Variants in ARHGAP24 observed in about 807,000 individuals in gnomAD.
ARHGAP24 encodes the protein rho GTPase-activating protein 24.
A neutral mutation model predicts 76.4 loss-of-function variants in ARHGAP24; 50 were observed. The observed-to-expected ratio is 0.65, with a 90% confidence interval of 0.52 to 0.83. The LOEUF is 0.83. ARHGAP24 is among the 40% of genes least tolerant of loss of function. ARHGAP24 has a pLI of 0.00. For missense variants in ARHGAP24, 930 were observed against 914.2 expected, an observed-to-expected ratio of 1.02 and a Z score of -0.22; for synonymous variants, 345 against 323.3, an observed-to-expected ratio of 1.07 and a Z score of -0.72.
At chr4:85,933,780 A>C (rs1453649230) in intron 4 of ARHGAP24, among the ~76,000 whole-genome samples, 1 of 152,152 alleles carries the variant, frequency 6.6e-6, no homozygotes, top group African/African-American at 2.4e-5. Flanking sequence ...TAGTCGTAAG[A>C]GGCTAGATTC....
intron 3 of ARHGAP24, among the ~76,000 whole-genome samples, chr4:85,847,032 G>T (rs953381157): frequency 1.3e-5 from 2 of 152,158 alleles, no homozygotes; most frequent in South Asian, 2.1e-4. Flanking sequence ...CAGTGTGAGG[G>T]TATAGAGCTT....
At chr4:85,770,362 T>A (rs1727088446) in intron 3 of ARHGAP24, among the ~76,000 whole-genome samples, 1 of 152,230 alleles carries the variant, frequency 6.6e-6, no homozygotes, top group Admixed American at 6.5e-5. Flanking sequence ...ACATTTTATA[T>A]CCAATGCTTT....
intron 1 of ARHGAP24, among the ~76,000 whole-genome samples, chr4:85,517,237 A>G (rs1192961162): frequency 1.3e-5 from 2 of 152,174 alleles, no homozygotes; most frequent in South Asian, 2.1e-4. Context: ...ATGTGAGTTA[A>G]TAAAACATTT....
At chr4:85,501,213 G>T (rs774083027) in intron 1 of ARHGAP24, among the ~76,000 whole-genome samples, 1 of 152,190 alleles carries the variant, frequency 6.6e-6, no homozygotes, top group African/African-American at 2.4e-5. Context: ...ATAGTAGCAT[G>T]ATTTATAATC....
rs183614980 is a variant in ARHGAP24, at chr4:85,518,553, T to C, written c.-21+42994T>C. Among the ~76,000 whole-genome samples the C allele has an allele frequency of 1.3e-4, 20 of 152,226 alleles. No individual in the cohort carries two copies. The East Asian group carries it at 2.3e-3, about 18-fold the overall frequency. ...CCCCCCAAGTTTCCAAAGTTTATTG[T>C]ATTATTCTTTTGCCTTTGCGTCCTC... is the stretch of plus-strand genomic sequence containing the variant. On this transcript the variant is annotated intron_variant, in intron 1 of 9. Transcript: ENST00000395184.
chr4:85,911,843 T>C (rs1560712908), intron 3 of ARHGAP24, among the ~76,000 whole-genome samples: 1 of 152,192 alleles, frequency 6.6e-6, no homozygotes, highest in Non-Finnish European at 1.5e-5. Flanking sequence ...TACTTAATAT[T>C]ATCTAAAATT....
intron 3 of ARHGAP24, among the ~76,000 whole-genome samples, chr4:85,770,884 G>A (rs776739374): frequency 2.6e-5 from 4 of 152,286 alleles, no homozygotes; most frequent in East Asian, 1.9e-4. Context: ...CTCAGAGAAC[G>A]TTGCAGGAGT....
chr4:85,499,320 C>T (rs1723706160), intron 1 of ARHGAP24, among the ~76,000 whole-genome samples: 1 of 152,164 alleles, frequency 6.6e-6, no homozygotes, highest in Admixed American at 6.5e-5. Flanking sequence ...GTTTTATAAA[C>T]AATCTCTCTA....
intron 2 of ARHGAP24, among the ~76,000 whole-genome samples, chr4:85,612,833 C>T (rs1250249822): frequency 9.1e-5 from 11 of 121,262 alleles, no homozygotes; most frequent in Admixed American, 6.2e-4. Context: ...CTCGCTGTGT[C>T]GTCACCCAGG....
intron 1 of ARHGAP24, among the ~76,000 whole-genome samples, chr4:85,525,994 A>G (rs1724977204): frequency 1.3e-5 from 2 of 152,126 alleles, no homozygotes; most frequent in Admixed American, 6.6e-5. Flanking sequence ...ATATTTTTTA[A>G]TTCTTTTGTT....
chr4:85,550,403 A>G (rs1004716689), intron 1 of ARHGAP24, among the ~76,000 whole-genome samples: 4 of 152,170 alleles, frequency 2.6e-5, no homozygotes, highest in African/African-American at 9.7e-5. Context: ...CCGTTGGTCT[A>G]TGTATCTGTT....
chr4:85,496,007 T>A (rs998541309), intron 1 of ARHGAP24, among the ~76,000 whole-genome samples: 1 of 152,250 alleles, frequency 6.6e-6, no homozygotes, highest in Non-Finnish European at 1.5e-5. Context: ...CCTACTGTTA[T>A]CTTTGTTGTG....
At position 85,745,775 on chromosome 4, in the gene ARHGAP24, T is replaced by C. The variant is rs556182118; in HGVS notation, c.268+23803T>C. Among the ~76,000 whole-genome samples, 4 of 152,220 alleles carry C rather than the reference T, an allele frequency of 2.6e-5. No homozygotes were observed. The South Asian group carries it at 8.3e-4, about 31-fold the overall frequency. On this transcript the variant is annotated intron_variant, in intron 3 of 9. Transcript: ENST00000395184. ...AAGTGTAATACATAGAAGAATGTTC[T>C]TCATGCTAAATAAAGTCCTGGAGAA...
intron 8 of ARHGAP24, among the ~76,000 whole-genome samples, chr4:85,982,828 A>G (rs1019863337): frequency 1.3e-5 from 2 of 152,050 alleles, no homozygotes; most frequent in East Asian, 3.9e-4. Context: ...TACATAGGTA[A>G]ACATGTGCCA....
chr4:85,683,079 C>G (rs888608601), intron 2 of ARHGAP24, among the ~76,000 whole-genome samples: 2 of 127,158 alleles, frequency 1.6e-5, no homozygotes, highest in Non-Finnish European at 3.1e-5. Flanking sequence ...TTACTCCTCA[C>G]CTCCATCAAC....
chr4:85,967,669 G>A (rs1199640386), intron 5 of ARHGAP24, among the ~76,000 whole-genome samples: 1 of 152,110 alleles, frequency 6.6e-6, no homozygotes, highest in Non-Finnish European at 1.5e-5. Flanking sequence ...TCCTACCACT[G>A]GATATAATGT....
At chr4:85,576,885 A>G (rs935954965) in intron 2 of ARHGAP24, among the ~76,000 whole-genome samples, 5 of 152,064 alleles carry the variant, frequency 3.3e-5, no homozygotes, top group Admixed American at 2.0e-4. Flanking sequence ...TATAGTTACT[A>G]ATTCGGATAC....
chr4:85,514,817 TAAAAAAAAAAAA>T (rs773699457), intron 1 of ARHGAP24, among the ~76,000 whole-genome samples: 5 of 82,500 alleles, frequency 6.1e-5, no homozygotes, highest in South Asian at 1.1e-3. Flanking sequence ...CTCTAAATTG[TAAAAAAAAAAAA>T]AAAAAAAAAA....
intron 4 of ARHGAP24, among the ~76,000 whole-genome samples, 164 bp from the exon 5 acceptor site, chr4:85,941,902 T>C (rs1736969676): frequency 6.6e-6 from 1 of 152,154 alleles, no homozygotes; most frequent in African/African-American, 2.4e-5. Context: ...ATTTGAGGAA[T>C]TGTATATAAT....
Sources: gnomAD v4.1 joint callset for allele counts (sites outside exome capture counted in the v4.1 genomes callset) on GRCh38, gnomAD v4.1.1 for gene constraint, MANE v1.5 for transcripts, NCBI Gene and HGNC (gene_info 2026-07-23, HGNC 2026-07-21) for gene names.